KDM3B: variants seen among roughly 807,000 people sequenced by gnomAD.
The protein encoded by KDM3B is lysine demethylase 3B, also known as lysine-specific demethylase 3B.
Under a neutral mutation model 170.0 loss-of-function variants are expected in KDM3B, and 10 were observed. The observed-to-expected ratio is 0.06, with a 90% CI of 0.04 to 0.10. The LOEUF (loss-of-function observed/expected upper bound fraction) is 0.10. Among genes scored for constraint, KDM3B ranks in the 10% least tolerant of loss-of-function variants. KDM3B has a pLI of 1.00. For synonymous variants in KDM3B, 831 were observed against 834.8 expected (o/e 1.00, Z 0.08); for missense variants, 1,394 against 2,195.2 (o/e 0.64, Z 7.29).
intron 1 of KDM3B, among the ~76,000 whole-genome samples, chr5:138,355,994 C>T (rs925938300): frequency 2.0e-5 from 3 of 152,160 alleles, no homozygotes; most frequent in African/African-American, 7.2e-5. Context: ...AATATTTGCA[C>T]CCTGCCTTTT....
At chr5:138,433,414 T>G (rs1763589790) in intron 23 of KDM3B, among the ~76,000 whole-genome samples, 1 of 150,630 alleles carries the variant, frequency 6.6e-6, no homozygotes, top group Non-Finnish European at 1.5e-5. Flanking sequence ...CGGCTGTTTT[T>G]TTTTTTTTTT....
chr5:138,420,387 G>C (rs1335673890), intron 14 of KDM3B, among the ~76,000 whole-genome samples: 2 of 152,224 alleles, frequency 1.3e-5, no homozygotes, highest in Non-Finnish European at 2.9e-5. Context: ...AGCACTCCAA[G>C]TGACTTCAGT....
At chr5:138,374,345 G>A (rs752367313) in intron 2 of KDM3B, 47 of 425,704 alleles carry the variant, frequency 1.1e-4, no homozygotes, top group Non-Finnish European at 1.8e-4. Context: ...TCACCACCCC[G>A]CCTCCCAGGT....
At chr5:138,400,536 G>A (rs1023415474) in intron 11 of KDM3B, among the ~76,000 whole-genome samples, 1 of 152,022 alleles carries the variant, frequency 6.6e-6, no homozygotes, top group Non-Finnish European at 1.5e-5. Flanking sequence ...ACTTGAGGCC[G>A]GGGGTTTGAG....
rs140420536 is a variant in KDM3B at position 138,424,520 on chromosome 5, G to A, written c.4239+179G>A. On this transcript the variant is annotated intron_variant, in intron 16 of 23. Transcript: ENST00000314358. ...AGCAAGGAGATGGCCAGGCACTATA[G>A]CTCACGCCTGTAATCTCAGCACTTT... Among the ~76,000 whole-genome samples, 1,470 of 152,290 alleles carry A rather than the reference G, an allele frequency of 9.7e-3. 16 individuals are homozygous for A. Among genetic ancestry groups the A allele is most frequent in the Non-Finnish European group, 0.015 (1,008 of 68,018 alleles).
chr5:138,355,077 C>A (rs771685010), intron 1 of KDM3B, among the ~76,000 whole-genome samples: 13 of 152,188 alleles, frequency 8.5e-5, no homozygotes, highest in Non-Finnish European at 1.9e-4. Context: ...GCACCACACA[C>A]GGTAGTAAAC....
intron 9 of KDM3B, among the ~76,000 whole-genome samples, chr5:138,395,218 A>G (rs935648388): frequency 1.3e-5 from 2 of 152,216 alleles, no homozygotes; most frequent in Non-Finnish European, 1.5e-5. Flanking sequence ...ACCTGGAGAT[A>G]TAAATTTGGA....
Position 138,426,971 on chromosome 5 carries a change from C to T in KDM3B, c.4412-4C>T. On this transcript the variant is annotated splice_polypyrimidine_tract_variant and splice_region_variant and intron_variant, in intron 17 of 23. Coordinates refer to ENST00000314358, the MANE Select transcript of KDM3B (RefSeq NM_016604.4). Reference sequence around the variant, plus strand: ...TGTTTGTGGGAGTATTCTCTGTCTTCCAGAACGACTACGGTCAGAAGATGG... The same window carrying T: ...TGTTTGTGGGAGTATTCTCTGTCTTTCAGAACGACTACGGTCAGAAGATGG... 1 of 1,612,564 alleles carries T rather than the reference C, an allele frequency of 6.2e-7. No homozygotes were observed. Among genetic ancestry groups the T allele is most frequent in the East Asian group, 2.2e-5 (1 of 44,860 alleles).
intron 1 of KDM3B, among the ~76,000 whole-genome samples, chr5:138,361,149 T>C (rs1352878160): frequency 6.6e-6 from 1 of 152,196 alleles, no homozygotes; most frequent in Non-Finnish European, 1.5e-5. Context: ...GCAACACCTG[T>C]TGATGCTTCT....
At chr5:138,382,425 C>T (rs1762149377) in intron 6 of KDM3B, among the ~76,000 whole-genome samples, 1 of 151,974 alleles carries the variant, frequency 6.6e-6, no homozygotes, top group African/African-American at 2.4e-5. Context: ...GCACTCCAGC[C>T]TGGGTGATAG....
chr5:138,364,809 G>C (rs941263485), intron 1 of KDM3B, among the ~76,000 whole-genome samples: 3 of 152,218 alleles, frequency 2.0e-5, no homozygotes, highest in Non-Finnish European at 4.4e-5. Context: ...AGAAATGGGA[G>C]AGGTGGGATG....
At chr5:138,387,895 C>T (rs1762317429) in intron 7 of KDM3B, among the ~76,000 whole-genome samples, 2 of 152,074 alleles carry the variant, frequency 1.3e-5, no homozygotes, top group South Asian at 2.1e-4. Flanking sequence ...TCCTGGCTAA[C>T]ACGGTGAAAC....
chr5:138,359,821 C>T (rs138184054), intron 1 of KDM3B, among the ~76,000 whole-genome samples: 204 of 152,088 alleles, frequency 1.3e-3, no homozygotes, highest in African/African-American at 4.5e-3. Context: ...AAAGCATATC[C>T]GCCCTATTTT....
intron 5 of KDM3B, among the ~76,000 whole-genome samples, chr5:138,380,194 C>T (rs931146975): frequency 6.6e-6 from 1 of 151,830 alleles, no homozygotes; most frequent in Non-Finnish European, 1.5e-5. Context: ...TGCTATGTTG[C>T]CTGGCTGGTC....
chr5:138,409,825 C>T (rs1202268081), intron 11 of KDM3B, among the ~76,000 whole-genome samples: 3 of 152,198 alleles, frequency 2.0e-5, no homozygotes, highest in South Asian at 2.1e-4. Context: ...GGCTAACTCA[C>T]GCCTGTAATC....
At chr5:138,410,093 A>G (rs964415758) in intron 11 of KDM3B, among the ~76,000 whole-genome samples, 6 of 150,928 alleles carry the variant, frequency 4.0e-5, no homozygotes, top group East Asian at 3.9e-4. Context: ...CTTAAAAGAA[A>G]AAAAGAAAAG....
intron 11 of KDM3B, among the ~76,000 whole-genome samples, chr5:138,405,205 G>A (rs1762786207): frequency 1.3e-5 from 2 of 151,450 alleles, no homozygotes; most frequent in African/African-American, 4.9e-5. Flanking sequence ...CACCACGCCT[G>A]GCTAATTTTT....
At position 138,381,732 on chromosome 5, in the gene KDM3B, C is replaced by A. The variant is rs528758514; in HGVS notation, c.780+142C>A. ...ACTGTACATTTTTTTGCTCTCTCCA[C>A]AGTCTGTCTAATTAAGGGGGGATAT... On this transcript the variant is annotated intron_variant, in intron 6 of 23. Coordinates refer to ENST00000314358, the MANE Select transcript of KDM3B (RefSeq NM_016604.4). 1.1e-4 allele frequency: 62 copies of A among 580,868 alleles called. No homozygotes were observed. In the South Asian group the frequency reaches 1.5e-3, roughly 14 times the overall value. 36.0% of individuals were successfully genotyped at this position (580,868 alleles called of 1,614,324 possible). A position where few individuals can be genotyped will look rare whatever the true frequency, so the allele number is the denominator to read the frequency against.
intron 6 of KDM3B, among the ~76,000 whole-genome samples, chr5:138,382,213 C>T (rs144037381): frequency 0.014 from 2,174 of 152,022 alleles, 24 homozygotes; most frequent in Non-Finnish European, 0.023. Flanking sequence ...TTTGGGAGGC[C>T]GAGGCAGGCG....
Sources: allele counts gnomAD v4.1 joint callset (sites outside exome capture counted in the v4.1 genomes callset), GRCh38; gene constraint gnomAD v4.1.1; transcripts MANE v1.5; gene names NCBI Gene and HGNC (gene_info 2026-07-23, HGNC 2026-07-21).